EHBP1: variants seen among roughly 807,000 people sequenced by gnomAD.
EHBP1 encodes the protein EH domain-binding protein 1.
EHBP1 carries 55 observed loss-of-function variants against 144.0 expected under a neutral mutation model. The ratio of observed to expected loss-of-function variants is 0.38; its 90% CI spans 0.31 to 0.48. The LOEUF is 0.48. Ranked by LOEUF, EHBP1 falls within the 20% of genes least tolerant of loss-of-function variation. EHBP1 has a pLI of 0.98. For synonymous variants in EHBP1, 469 were observed against 472.7 expected, an observed-to-expected ratio of 0.99 and a Z score of 0.10; for missense variants, 1,200 against 1,364.2, an observed-to-expected ratio of 0.88 and a Z score of 1.90.
intron 7 of EHBP1, among the ~76,000 whole-genome samples, chr2:62,855,255 C>T (rs555349188): frequency 1.3e-4 from 20 of 152,330 alleles, no homozygotes; most frequent in Admixed American, 7.2e-4. Flanking sequence ...TGTCACAGCC[C>T]GGCCAGGTGT....
intron 7 of EHBP1, among the ~76,000 whole-genome samples, chr2:62,843,800 A>G (rs2048096895): frequency 6.6e-6 from 1 of 152,184 alleles, no homozygotes; most frequent in African/African-American, 2.4e-5. Context: ...TAATAGCTCA[A>G]GAAAACAAAA....
At chr2:62,914,261 A>G (rs1173565894) in intron 10 of EHBP1, among the ~76,000 whole-genome samples, 1 of 152,076 alleles carries the variant, frequency 6.6e-6, no homozygotes, top group Non-Finnish European at 1.5e-5. Flanking sequence ...CACTTGAAAA[A>G]CTATTATTTA....
chr2:62,928,051 AAC>A (rs2055671289), intron 10 of EHBP1, among the ~76,000 whole-genome samples: 1 of 152,208 alleles, frequency 6.6e-6, no homozygotes, highest in Admixed American at 6.5e-5. Flanking sequence ...TGAAAATAAA[AAC>A]ACAGCATACC....
intron 4 of EHBP1, among the ~76,000 whole-genome samples, chr2:62,766,363 A>G (rs1241272956): frequency 6.6e-6 from 1 of 152,200 alleles, no homozygotes; most frequent in Non-Finnish European, 1.5e-5. Context: ...TGGCAATAGA[A>G]ATAGAAGATC....
chr2:62,981,702 A>T (rs2058979376), intron 15 of EHBP1, among the ~76,000 whole-genome samples: 1 of 152,212 alleles, frequency 6.6e-6, no homozygotes. Flanking sequence ...AAAGATCTGA[A>T]TTTGCCATCA....
intron 13 of EHBP1, among the ~76,000 whole-genome samples, chr2:62,953,419 C>T (rs1042182321): frequency 3.3e-5 from 5 of 151,684 alleles, no homozygotes; most frequent in Non-Finnish European, 7.4e-5. Context: ...GGCATGGTGG[C>T]TCACCTGTAA....
intron 10 of EHBP1, 42 bp downstream of exon 10, chr2:62,874,574 G>A: frequency 6.8e-7 from 1 of 1,471,002 alleles, no homozygotes; most frequent in Non-Finnish European, 9.2e-7. Flanking sequence ...AATATTTGCT[G>A]TTTTCTCCCC....
At chr2:62,738,667 C>T (rs1205405540) in intron 2 of EHBP1, among the ~76,000 whole-genome samples, 1 of 152,120 alleles carries the variant, frequency 6.6e-6, no homozygotes, top group Non-Finnish European at 1.5e-5. Flanking sequence ...TCTAAATTTC[C>T]TGTATTTCTC....
chr2:62,894,927 A>AGAGAGAG (rs71410972), intron 10 of EHBP1, among the ~76,000 whole-genome samples: 2,835 of 141,184 alleles, frequency 0.02, 58 homozygotes, highest in Non-Finnish European at 0.027. Flanking sequence ...AACAGAAAGA[A>AGAGAGAG]AGAGAGAGAG....
intron 5 of EHBP1, 151 bp from the exon 6 acceptor site, chr2:62,825,936 T>C (rs2046315609): frequency 1.9e-6 from 1 of 513,510 alleles, no homozygotes. Context: ...TACAACTTCA[T>C]TGTAATTTTA....
intron 18 of EHBP1, 64 bp from the exon 19 acceptor site, chr2:62,996,579 G>A: frequency 6.2e-7 from 1 of 1,605,622 alleles, no homozygotes; most frequent in South Asian, 1.1e-5. Context: ...CTAAGTGTTT[G>A]TAGAAAGGAA....
intron 10 of EHBP1, among the ~76,000 whole-genome samples, chr2:62,883,344 G>A (rs1487460822): frequency 6.6e-6 from 1 of 152,134 alleles, no homozygotes; most frequent in Non-Finnish European, 1.5e-5. Context: ...TTATTTTGAA[G>A]GTAATGTTTC....
chr2:62,758,264 A>G (rs1157439304), intron 3 of EHBP1, among the ~76,000 whole-genome samples: 1 of 151,930 alleles, frequency 6.6e-6, no homozygotes, highest in African/African-American at 2.4e-5. Context: ...ATGCACCACC[A>G]CACCTGGCTA....
intron 2 of EHBP1, among the ~76,000 whole-genome samples, chr2:62,740,308 A>C (rs1573056809): frequency 6.6e-6 from 1 of 152,210 alleles, no homozygotes; most frequent in East Asian, 1.9e-4. Flanking sequence ...GAAAAGAAAT[A>C]TATCCTATGT....
intron 10 of EHBP1, among the ~76,000 whole-genome samples, chr2:62,929,472 C>T (rs978687143): frequency 6.6e-6 from 1 of 152,000 alleles, no homozygotes; most frequent in African/African-American, 2.4e-5. Flanking sequence ...GGAGATAGTA[C>T]ATGTAATCAT....
intron 12 of EHBP1, among the ~76,000 whole-genome samples, chr2:62,946,551 T>A (rs998930405): frequency 2.0e-5 from 3 of 152,210 alleles, no homozygotes; most frequent in African/African-American, 7.2e-5. Context: ...TGAATGGACT[T>A]AAAGCACCAT....
intron 9 of EHBP1, among the ~76,000 whole-genome samples, chr2:62,870,910 TAAA>T (rs1264696468): frequency 6.6e-6 from 1 of 151,894 alleles, no homozygotes; most frequent in Non-Finnish European, 1.5e-5. Context: ...TGATAAAACC[TAAA>T]AAAGTTCTAA....
At chr2:62,746,201 C>A (rs2039135900) in intron 2 of EHBP1, among the ~76,000 whole-genome samples, 2 of 152,074 alleles carry the variant, frequency 1.3e-5, no homozygotes, top group South Asian at 2.1e-4. Context: ...TGTTGTTATA[C>A]CGCACTCCAT....
At chr2:62,761,099 A>G (rs2040732941) in intron 3 of EHBP1, among the ~76,000 whole-genome samples, 1 of 152,182 alleles carries the variant, frequency 6.6e-6, no homozygotes, top group African/African-American at 2.4e-5. Context: ...TTCAGAATTA[A>G]GTATGTGGAG....
Sources: allele counts gnomAD v4.1 joint callset (sites outside exome capture counted in the v4.1 genomes callset), GRCh38; gene constraint gnomAD v4.1.1; transcripts MANE v1.5; gene names NCBI Gene and HGNC (gene_info 2026-07-23, HGNC 2026-07-21).